The following SPATA16 variants were observed in gnomAD, a reference collection of about 807,000 sequenced individuals.
SPATA16 encodes spermatogenesis-associated protein 16.
A neutral mutation model predicts 63.3 loss-of-function variants in SPATA16; 36 were observed. The observed-to-expected ratio is 0.57, with a 90% CI of 0.44 to 0.75. The LOEUF is 0.75. Among genes scored for constraint, SPATA16 ranks in the 30% least tolerant of loss-of-function variants. The pLI is 0.00. For missense variants in SPATA16, 646 were observed against 679.3 expected (o/e 0.95, Z 0.54); for synonymous variants, 203 against 216.7 (o/e 0.94, Z 0.56).
In SPATA16 at chr3:173,117,892, TACTG is replaced by T. The variant is rs1411145434; in HGVS notation, c.-18-147_-18-144del. The T allele has an allele frequency of 2.0e-5, 27 of 1,351,382 alleles. No homozygotes were observed. In the East Asian group the frequency reaches 3.0e-4, roughly 15 times the overall value. 83.7% of individuals were successfully genotyped at this position (1,351,382 alleles called of 1,614,324 possible). On this transcript the variant is annotated intron_variant, in intron 1 of 10. Coordinates refer to ENST00000351008, the MANE Select transcript of SPATA16 (RefSeq NM_031955.6). ...TAAGTAAAACTGTATTTACATAATC[TACTG>T]ACTATTTTAATAGAGGAGTGTATGT...
intron 4 of SPATA16, among the ~76,000 whole-genome samples, chr3:173,005,889 C>T (rs550213222): frequency 5.3e-5 from 8 of 152,108 alleles, no homozygotes; most frequent in Admixed American, 2.6e-4. Flanking sequence ...TCTTCAACTG[C>T]CTGCTGTCAC....
At chr3:173,010,882 T>C (rs1377324381) in intron 4 of SPATA16, among the ~76,000 whole-genome samples, 1 of 152,026 alleles carries the variant, frequency 6.6e-6, no homozygotes, top group Non-Finnish European at 1.5e-5. Flanking sequence ...AGCACCTGAA[T>C]CCTCGAAACC....
At chr3:173,033,189 T>A (rs944031336) in intron 3 of SPATA16, among the ~76,000 whole-genome samples, 4 of 152,166 alleles carry the variant, frequency 2.6e-5, no homozygotes, top group Non-Finnish European at 5.9e-5. Context: ...TTTTTATAAT[T>A]TGAAAATCTG....
chr3:172,972,940 A>G (rs1734080446), intron 5 of SPATA16, among the ~76,000 whole-genome samples: 2 of 152,314 alleles, frequency 1.3e-5, no homozygotes, highest in Non-Finnish European at 2.9e-5. Context: ...GACAAAGGAA[A>G]TGACGTATTA....
At chr3:172,932,279 G>A (rs1023654102) in intron 6 of SPATA16, among the ~76,000 whole-genome samples, 1 of 152,146 alleles carries the variant, frequency 6.6e-6, no homozygotes, top group African/African-American at 2.4e-5. Context: ...TTAGAAAGAT[G>A]CAGATTTGTT....
At chr3:172,943,546 C>T (rs982806097) in intron 6 of SPATA16, among the ~76,000 whole-genome samples, 1 of 152,146 alleles carries the variant, frequency 6.6e-6, no homozygotes, top group Non-Finnish European at 1.5e-5. Context: ...TTGAGACCAG[C>T]CTGGCCAACA....
chr3:173,029,433 G>GT (rs1553795029), intron 3 of SPATA16, among the ~76,000 whole-genome samples: 1 of 133,796 alleles, frequency 7.5e-6, no homozygotes, highest in East Asian at 2.1e-4. Context: ...TTGTTTTGTT[G>GT]TTGTTTGTTT....
At chr3:172,943,745 C>T (rs1196067683) in intron 6 of SPATA16, among the ~76,000 whole-genome samples, 1 of 151,954 alleles carries the variant, frequency 6.6e-6, no homozygotes, top group Non-Finnish European at 1.5e-5. Context: ...ATCTTAAAAA[C>T]AAAAACAGAA....
At chr3:173,139,446 A>T (rs1738638635) in intron 1 of SPATA16, among the ~76,000 whole-genome samples, 1 of 152,208 alleles carries the variant, frequency 6.6e-6, no homozygotes. Context: ...ATTACTTTCC[A>T]AGAAGATGAC....
chr3:172,970,965 CAAA>C (rs750754688), intron 5 of SPATA16, among the ~76,000 whole-genome samples: 18 of 152,022 alleles, frequency 1.2e-4, no homozygotes, highest in Non-Finnish European at 2.5e-4. Flanking sequence ...AGAAGAAAAA[CAAA>C]GAATAGAAGA....
At chr3:172,928,723 T>C (rs926890944) in intron 6 of SPATA16, among the ~76,000 whole-genome samples, 2 of 152,184 alleles carry the variant, frequency 1.3e-5, no homozygotes, top group Non-Finnish European at 2.9e-5. Context: ...ATGTAAATAT[T>C]CTCTGTTCCT....
intron 8 of SPATA16, among the ~76,000 whole-genome samples, chr3:172,920,075 G>A (rs1315441183): frequency 6.6e-6 from 1 of 152,170 alleles, no homozygotes; most frequent in Non-Finnish European, 1.5e-5. Flanking sequence ...CTCTGGCAAG[G>A]ATCATAACTT....
chr3:172,922,104 A>C (rs546679010), intron 8 of SPATA16, among the ~76,000 whole-genome samples: 1 of 152,318 alleles, frequency 6.6e-6, no homozygotes, highest in African/African-American at 2.4e-5. Context: ...TGCTTCATTA[A>C]GCTAGTTTAC....
intron 4 of SPATA16, among the ~76,000 whole-genome samples, chr3:173,003,929 G>A (rs189857071): frequency 3.9e-5 from 6 of 152,204 alleles, no homozygotes; most frequent in African/African-American, 7.2e-5. Context: ...CTCCATTATG[G>A]TTGAGGAAAT....
intron 6 of SPATA16, among the ~76,000 whole-genome samples, chr3:172,953,173 G>A (rs1476750193): frequency 2.0e-5 from 3 of 152,030 alleles, no homozygotes; most frequent in Admixed American, 1.3e-4. Flanking sequence ...TACTAAAGTC[G>A]GATCCTTTCT....
intron 3 of SPATA16, among the ~76,000 whole-genome samples, chr3:173,047,403 T>G (rs1271485729): frequency 6.6e-6 from 1 of 152,046 alleles, no homozygotes; most frequent in Non-Finnish European, 1.5e-5. Context: ...CCCTTTTTAT[T>G]TGTGATTATA....
At chr3:172,956,932 A>G (rs1733611316) in intron 5 of SPATA16, 108 bp from the exon 6 acceptor site, 11 of 1,305,806 alleles carry the variant, frequency 8.4e-6, no homozygotes, top group Non-Finnish European at 1.2e-5. Context: ...TATATACTGT[A>G]CTGCAAAGAT....
At position 173,056,069 on chromosome 3, in the gene SPATA16, A is replaced by G. The variant is rs954966335; in HGVS notation, c.613-6975T>C. Among the ~76,000 whole-genome samples the G allele has an allele frequency of 2.6e-5, 4 of 152,346 alleles. No homozygotes were observed. The East Asian group carries it at 5.8e-4, about 22-fold the overall frequency. On this transcript the variant is annotated intron_variant, in intron 2 of 10. Coordinates refer to ENST00000351008, the MANE Select transcript of SPATA16 (RefSeq NM_031955.6). Reference sequence around the variant, plus strand: ...CCATAAGGTTTTACTGTGTTAAATTATAGATAGATTTCTATAATAAGGAGT... The same window carrying G: ...CCATAAGGTTTTACTGTGTTAAATTGTAGATAGATTTCTATAATAAGGAGT...
At chr3:173,028,003 C>T (rs1560100890) in intron 3 of SPATA16, among the ~76,000 whole-genome samples, 14 of 71,420 alleles carry the variant, frequency 2.0e-4, no homozygotes, top group African/African-American at 7.0e-4. Flanking sequence ...CCCTCCCTCC[C>T]TCCCTCCCTC....
Sources: gnomAD v4.1 joint callset for allele counts (sites outside exome capture counted in the v4.1 genomes callset) on GRCh38, gnomAD v4.1.1 for gene constraint, MANE v1.5 for transcripts, NCBI Gene and HGNC (gene_info 2026-07-23, HGNC 2026-07-21) for gene names.